The following PRKCE variants were observed in gnomAD, a reference collection of about 807,000 sequenced individuals.
PRKCE encodes the protein protein kinase C epsilon, also known as protein kinase C epsilon type.
PRKCE carries 16 observed loss-of-function variants against 85.4 expected under a neutral mutation model. That is an observed-to-expected ratio of 0.19 (90% CI 0.13 to 0.28). The LOEUF (loss-of-function observed/expected upper bound fraction) is 0.28. Ranked by LOEUF, PRKCE falls within the 10% of genes least tolerant of loss-of-function variation. The pLI, the probability that PRKCE is intolerant of heterozygous loss-of-function variation, is 1.00. For missense variants in PRKCE, 573 were observed against 975.2 expected, an observed-to-expected ratio of 0.59 and a Z score of 5.49; for synonymous variants, 388 against 371.5, an observed-to-expected ratio of 1.04 and a Z score of -0.51.
intron 10 of PRKCE, among the ~76,000 whole-genome samples, chr2:46,052,774 C>T (rs1708935873): frequency 6.6e-6 from 1 of 152,224 alleles, no homozygotes. Flanking sequence ...TACATAATCA[C>T]AGTAGTGTGG....
intron 10 of PRKCE, among the ~76,000 whole-genome samples, chr2:46,045,292 G>A (rs1369227561): frequency 6.6e-6 from 1 of 152,216 alleles, no homozygotes; most frequent in Non-Finnish European, 1.5e-5. Context: ...GTGTCTACAT[G>A]TTTATTGACT....
At chr2:45,743,506 T>C (rs1211135647) in intron 1 of PRKCE, among the ~76,000 whole-genome samples, 1 of 151,282 alleles carries the variant, frequency 6.6e-6, no homozygotes, top group Non-Finnish European at 1.5e-5. Context: ...AGAGTAGACT[T>C]GATGCTTTTT....
At chr2:45,765,020 T>G (rs1684801126) in intron 1 of PRKCE, among the ~76,000 whole-genome samples, 2 of 152,198 alleles carry the variant, frequency 1.3e-5, no homozygotes, top group Non-Finnish European at 2.9e-5. Context: ...ATAGCCTTCC[T>G]CCCTGTGGCT....
chr2:45,784,302 G>A (rs1167494435), intron 1 of PRKCE, among the ~76,000 whole-genome samples: 1 of 152,244 alleles, frequency 6.6e-6, no homozygotes, highest in African/African-American at 2.4e-5. Context: ...GTGTTGACAA[G>A]GCCCCTGTAG....
intron 1 of PRKCE, among the ~76,000 whole-genome samples, chr2:45,800,149 C>T (rs556894604): frequency 4.6e-5 from 7 of 152,172 alleles, no homozygotes; most frequent in African/African-American, 1.2e-4. Context: ...GAGTGCCCAG[C>T]GGCTGGATAC....
At chr2:45,916,524 G>A (rs1697792119) in intron 2 of PRKCE, among the ~76,000 whole-genome samples, 1 of 152,140 alleles carries the variant, frequency 6.6e-6, no homozygotes. Context: ...GTGATTGTAG[G>A]TGTGAGCCAT....
At chr2:46,020,999 G>T (rs1706605962) in intron 10 of PRKCE, among the ~76,000 whole-genome samples, 1 of 152,198 alleles carries the variant, frequency 6.6e-6, no homozygotes, top group African/African-American at 2.4e-5. Context: ...TAACCATTTG[G>T]TCACGATCAC....
Position 45,976,474 on chromosome 2 carries a change from C to G in PRKCE, c.458C>G (p.Pro153Arg). The change falls in exon 3 of 15, where the codon CCG (proline) becomes CGG (arginine). Residue 153 changes from proline (P) to arginine (R), a missense_variant. Coordinates refer to ENST00000306156, the MANE Select transcript of PRKCE (RefSeq NM_005400.3). ...CGTGTGTTCAGGGAACGCATGCGGC[C>G]GAGGAAGCGGCAGGGGGCCGTCAGG... is the stretch of plus-strand genomic sequence containing the variant. ...EERVFRERMR[P>R]RKRQGAVRRR... is the part of the protein sequence containing the mutation. The G allele has an allele frequency of 6.3e-7, 1 of 1,599,738 alleles. No homozygotes were observed. The highest frequency in any genetic ancestry group is 8.5e-7 in the Non-Finnish European group (1 of 1,179,954).
chr2:46,135,699 A>G (rs923097884), intron 11 of PRKCE, among the ~76,000 whole-genome samples: 1 of 145,732 alleles, frequency 6.9e-6, no homozygotes, highest in East Asian at 2.1e-4. Context: ...CAGCACTGCA[A>G]TGGAGAACTT....
chr2:45,750,725 T>C (rs1332222192), intron 1 of PRKCE, among the ~76,000 whole-genome samples: 1 of 152,178 alleles, frequency 6.6e-6, no homozygotes, highest in African/African-American at 2.4e-5. Context: ...ATTCTGAGAA[T>C]TGAATGAGTA....
At chr2:45,817,691 C>G (rs1259623303) in intron 1 of PRKCE, among the ~76,000 whole-genome samples, 2 of 151,926 alleles carry the variant, frequency 1.3e-5, no homozygotes, top group Non-Finnish European at 2.9e-5. Flanking sequence ...GAGACTCTGT[C>G]TCAAAAAACA....
At chr2:45,769,627 G>C (rs1372650248) in intron 1 of PRKCE, among the ~76,000 whole-genome samples, 1 of 152,210 alleles carries the variant, frequency 6.6e-6, no homozygotes, top group Admixed American at 6.5e-5. Context: ...GAATTGTGAA[G>C]GGATTCTATT....
At chr2:45,949,446 G>A (rs1211870317) in intron 2 of PRKCE, among the ~76,000 whole-genome samples, 8 of 136,674 alleles carry the variant, frequency 5.9e-5, no homozygotes, top group African/African-American at 2.2e-4. Context: ...TTTCCTTGAG[G>A]GTAGGAGTTT....
chr2:46,009,588 A>G (rs927185575), intron 9 of PRKCE, among the ~76,000 whole-genome samples: 2 of 152,212 alleles, frequency 1.3e-5, no homozygotes, highest in East Asian at 1.9e-4. Context: ...TGTATCACAC[A>G]TCCTTTCTGA....
At chr2:46,104,207 C>G (rs768681583) in intron 11 of PRKCE, among the ~76,000 whole-genome samples, 10 of 151,810 alleles carry the variant, frequency 6.6e-5, no homozygotes, top group Non-Finnish European at 1.2e-4. Context: ...TCGTCTCCAT[C>G]AAGTAACCTT....
chr2:46,019,193 A>G (rs1186673993), intron 10 of PRKCE, among the ~76,000 whole-genome samples: 1 of 152,362 alleles, frequency 6.6e-6, no homozygotes, highest in East Asian at 1.9e-4. Context: ...AAAAATATCA[A>G]TTCCTGGCCA....
chr2:46,167,258 C>A (rs529503044), intron 14 of PRKCE, among the ~76,000 whole-genome samples: 1 of 152,182 alleles, frequency 6.6e-6, no homozygotes, highest in Non-Finnish European at 1.5e-5. Flanking sequence ...GAGCCTCGGT[C>A]TGCTGATCAT....
At chr2:46,073,119 G>T (rs1275238045) in intron 10 of PRKCE, among the ~76,000 whole-genome samples, 1 of 152,200 alleles carries the variant, frequency 6.6e-6, no homozygotes. Flanking sequence ...ATCTGGTCCA[G>T]CCTCTCAGTG....
At chr2:45,891,717 G>T (rs1047356635) in intron 2 of PRKCE, among the ~76,000 whole-genome samples, 1 of 152,162 alleles carries the variant, frequency 6.6e-6, no homozygotes, top group Non-Finnish European at 1.5e-5. Flanking sequence ...CCAAATGTCC[G>T]CTAGGCATAT....
Sources: gnomAD v4.1 joint callset for allele counts (sites outside exome capture counted in the v4.1 genomes callset) on GRCh38, gnomAD v4.1.1 for gene constraint, MANE v1.5 for transcripts, NCBI Gene and HGNC (gene_info 2026-07-23, HGNC 2026-07-21) for gene names.